The following STX7 variants were observed in gnomAD, a reference collection of about 807,000 sequenced individuals.
The protein encoded by STX7 is syntaxin-7.
In STX7, 34 loss-of-function variants were observed where a neutral mutation model predicts 39.6. The observed-to-expected ratio is 0.86, with a 90% CI of 0.65 to 1.14. STX7 has a LOEUF of 1.14. Among genes scored for constraint, STX7 ranks in the 50% most tolerant of loss-of-function variants. STX7 has a pLI of 0.00. For synonymous variants in STX7, 119 were observed against 99.1 expected (o/e 1.20, Z -1.19); for missense variants, 284 against 310.4 (o/e 0.92, Z 0.64).
chr6:132,494,350 G>A (rs1351131395), intron 2 of STX7, among the ~76,000 whole-genome samples: 1 of 152,042 alleles, frequency 6.6e-6, no homozygotes, highest in African/African-American at 2.4e-5. Flanking sequence ...CTTTATCTCT[G>A]GGGGCCAAGG....
chr6:132,456,225 T>C lies in STX7; in HGVS notation c.*4533A>G, dbSNP rs1357439370. 6.6e-6 allele frequency: 1 copy of C among 152,112 alleles called. No individual in the cohort carries two copies. Among genetic ancestry groups the C allele is most frequent in the Non-Finnish European group, 1.5e-5 (1 of 68,020 alleles). The allele number at this position is 152,112 out of a possible 1,614,324, so 9.4% of individuals were successfully genotyped here. A position where few individuals can be genotyped will look rare whatever the true frequency, so the allele number is the denominator to read the frequency against. On this transcript the variant is annotated 3_prime_UTR_variant, in exon 10 of 10. Transcript: ENST00000367941. ...AAACTAGCAATTTTCTGGTAGTCTG[T>C]CAATTAAGAAAAGAAAATGAAATTC...
chr6:132,510,643 G>T (rs1468834025), intron 1 of STX7, among the ~76,000 whole-genome samples: 1 of 152,190 alleles, frequency 6.6e-6, no homozygotes, highest in African/African-American at 2.4e-5. Context: ...TGTGGCTAGT[G>T]GCCAGCAGCT....
Position 132,455,519 on chromosome 6 carries a change from G to C in STX7, c.*5239C>G, listed in dbSNP as rs1200193402. On this transcript the variant is annotated 3_prime_UTR_variant, in exon 10 of 10. Transcript: ENST00000367941. ...TAGAAAACTCCCTCGTCAACAAGTA[G>C]AGGTGTTGTGCGTGTAACGACTGGA... The C allele has an allele frequency of 6.6e-6, 1 of 152,152 alleles. No homozygotes were observed. The highest frequency in any genetic ancestry group is 2.4e-5 in the African/African-American group (1 of 41,444). 9.4% of individuals were successfully genotyped at this position (152,152 alleles called of 1,614,324 possible).
rs1254656877 is a variant in STX7, at chr6:132,453,052, T to C, written c.*7706A>G. The stretch of plus-strand genomic sequence containing the variant: ...TGGAAAAGAATAGAAAACCCAGATA[T>C]AGACCCACACGAATGTGCCCAACTG... On this transcript the variant is annotated 3_prime_UTR_variant, in exon 10 of 10. Transcript: ENST00000367941. The C allele has an allele frequency of 2.0e-5, 3 of 152,214 alleles. No individual in the cohort carries two copies. Among genetic ancestry groups the C allele is most frequent in the East Asian group, 3.9e-4 (2 of 5,186 alleles). 9.4% of individuals were successfully genotyped at this position (152,214 alleles called of 1,614,324 possible). A position where few individuals can be genotyped will look rare whatever the true frequency, so the allele number is the denominator to read the frequency against.
intron 1 of STX7, among the ~76,000 whole-genome samples, chr6:132,510,754 A>C (rs1775826567): frequency 6.6e-6 from 1 of 152,200 alleles, no homozygotes; most frequent in Non-Finnish European, 1.5e-5. Flanking sequence ...AAGATATACA[A>C]ACACTATAAA....
intron 2 of STX7, among the ~76,000 whole-genome samples, chr6:132,487,919 T>C (rs752858639): frequency 6.6e-6 from 1 of 152,292 alleles, no homozygotes; most frequent in Non-Finnish European, 1.5e-5. Flanking sequence ...ATGATTTGTA[T>C]TTCCTTTGTT....
intron 2 of STX7, among the ~76,000 whole-genome samples, chr6:132,499,352 C>G (rs1423330772): frequency 2.0e-5 from 3 of 152,180 alleles, no homozygotes; most frequent in Non-Finnish European, 4.4e-5. Context: ...ATGTTTTCAG[C>G]CTCTCTGGCA....
At chr6:132,461,001 C>A (rs907014611) in intron 9 of STX7, 151 bp from the exon 10 acceptor site, 25 of 614,758 alleles carry the variant, frequency 4.1e-5, no homozygotes, top group Admixed American at 6.4e-5. Flanking sequence ...TTTTTTTGTT[C>A]CTCAAAAATC....
At chr6:132,468,353 A>C in intron 8 of STX7, 50 bp downstream of exon 8, 1 of 1,382,986 alleles carries the variant, frequency 7.2e-7, no homozygotes. Flanking sequence ...CAGCAGGTAA[A>C]GTGCATGTAG....
In STX7 at chr6:132,470,594, C is replaced by T. The variant is rs765656798; in HGVS notation, c.420G>A (p.Arg140=). 41 of 1,606,802 alleles carry T rather than the reference C, an allele frequency of 2.6e-5. No individual in the cohort carries two copies. In the South Asian group the frequency reaches 3.9e-4, roughly 15 times the overall value. Residue 140 remains arginine (R), a synonymous_variant, in exon 6 of 10, where the codon AGG becomes AGA. Coordinates refer to ENST00000367941, the MANE Select transcript of STX7 (RefSeq NM_003569.3). ...CTTACCTTTCCCAGGATACAAGATT[C>T]CTTTCTTTTGAGCTGTCCTCAGGAA... ...GSFPEDSSKE[R]NLVSWESQTQ...
chr6:132,510,679 C>T (rs950153792), intron 1 of STX7, among the ~76,000 whole-genome samples: 1 of 152,218 alleles, frequency 6.6e-6, no homozygotes, highest in Admixed American at 6.5e-5. Flanking sequence ...TAGACCACTT[C>T]CATTATCACA....
Position 132,446,715 on chromosome 6 carries a change from C to T in STX7, c.*14043G>A, listed in dbSNP as rs1328055257. 6.6e-6 allele frequency: 1 copy of T among 152,170 alleles called. No individual in the cohort carries two copies. The highest frequency in any genetic ancestry group is 1.5e-5 in the Non-Finnish European group (1 of 68,032). 9.4% of individuals were successfully genotyped at this position (152,170 alleles called of 1,614,324 possible). A position where few individuals can be genotyped will look rare whatever the true frequency, so the allele number is the denominator to read the frequency against. On this transcript the variant is annotated 3_prime_UTR_variant, in exon 10 of 10. Transcript: ENST00000367941. ...TTATGAACATGAGCATCTGGCTGCACATACAGAGCAGCACATTCCACACAC... is the reference window on the plus strand; with the variant it reads ...TTATGAACATGAGCATCTGGCTGCATATACAGAGCAGCACATTCCACACAC...
intron 3 of STX7, among the ~76,000 whole-genome samples, chr6:132,474,491 T>C (rs1050693865): frequency 6.6e-6 from 1 of 152,170 alleles, no homozygotes; most frequent in Non-Finnish European, 1.5e-5. Flanking sequence ...TGAATTCCTA[T>C]TACCTATCTT....
intron 2 of STX7, among the ~76,000 whole-genome samples, chr6:132,500,450 C>G (rs978555482): frequency 2.6e-5 from 4 of 152,168 alleles, no homozygotes; most frequent in Non-Finnish European, 5.9e-5. Context: ...TTCCTTCTGT[C>G]TGAAATGCCC....
intron 2 of STX7, among the ~76,000 whole-genome samples, chr6:132,476,392 T>A (rs1050177943): frequency 2.6e-5 from 4 of 152,056 alleles, no homozygotes; most frequent in Non-Finnish European, 5.9e-5. Context: ...CAGTCTAGAC[T>A]GTGGGACAAT....
intron 1 of STX7, among the ~76,000 whole-genome samples, chr6:132,509,497 CA>C (rs1562343700): frequency 7.7e-6 from 1 of 130,298 alleles, no homozygotes; most frequent in Non-Finnish European, 1.6e-5. Flanking sequence ...CATAACATAA[CA>C]TAACATAACA....
At chr6:132,476,823 G>A (rs953108524) in intron 2 of STX7, among the ~76,000 whole-genome samples, 1 of 152,006 alleles carries the variant, frequency 6.6e-6, no homozygotes, top group Non-Finnish European at 1.5e-5. Flanking sequence ...AAAAGGGGAG[G>A]ACCTACAGTT....
chr6:132,490,696 C>T (rs1405619116), intron 2 of STX7, among the ~76,000 whole-genome samples: 3 of 152,020 alleles, frequency 2.0e-5, no homozygotes, highest in Non-Finnish European at 4.4e-5. Flanking sequence ...AAGAGCTGAT[C>T]CCACCCAGAG....
At position 132,458,415 on chromosome 6, in the gene STX7, A is replaced by C. The variant is rs187002481; in HGVS notation, c.*2343T>G. ...AAAACCATAGTATTTAACGACCAAT[A>C]AACAGCCAAATACCTAATGCCACAT... On this transcript the variant is annotated 3_prime_UTR_variant, in exon 10 of 10. Transcript: ENST00000367941. 1 of 152,190 alleles carries C rather than the reference A, an allele frequency of 6.6e-6. No individual in the cohort carries two copies. The highest frequency in any genetic ancestry group is 1.5e-5 in the Non-Finnish European group (1 of 68,034). The allele number at this position is 152,190 out of a possible 1,614,324, so 9.4% of individuals were successfully genotyped here. A position where few individuals can be genotyped will look rare whatever the true frequency, so the allele number is the denominator to read the frequency against.
Sources: allele counts gnomAD v4.1 joint callset (sites outside exome capture counted in the v4.1 genomes callset), GRCh38; gene constraint gnomAD v4.1.1; transcripts MANE v1.5; gene names NCBI Gene and HGNC (gene_info 2026-07-23, HGNC 2026-07-21).